Variants in CYYR1 observed in about 807,000 individuals in gnomAD.
CYYR1 encodes cysteine and tyrosine rich 1.
CYYR1 carries 14 observed loss-of-function variants against 15.2 expected under a neutral mutation model. The observed-to-expected ratio is 0.92, with a 90% CI of 0.61 to 1.44. CYYR1 has a LOEUF of 1.44. Ranked by LOEUF, CYYR1 falls within the 40% of genes most tolerant of loss-of-function variation. CYYR1 has a pLI of 0.00. For missense variants in CYYR1, 228 were observed against 209.5 expected, an observed-to-expected ratio of 1.09 and a Z score of -0.54; for synonymous variants, 80 against 77.4, an observed-to-expected ratio of 1.03 and a Z score of -0.18.
chr21:26,561,311 TG>T (rs1162674499), intron 2 of CYYR1, among the ~76,000 whole-genome samples: 5 of 144,148 alleles, frequency 3.5e-5, no homozygotes, highest in Non-Finnish European at 6.1e-5. Flanking sequence ...TTAATTTAAA[TG>T]GTTTTTTTTT....
At chr21:26,541,060 T>G (rs944058077) in intron 2 of CYYR1, among the ~76,000 whole-genome samples, 2 of 152,136 alleles carry the variant, frequency 1.3e-5, no homozygotes, top group African/African-American at 4.8e-5. Flanking sequence ...GTCAGTGACG[T>G]GAAGGTATCT....
At chr21:26,546,150 T>C (rs893251708) in intron 2 of CYYR1, among the ~76,000 whole-genome samples, 1 of 152,240 alleles carries the variant, frequency 6.6e-6, no homozygotes, top group Non-Finnish European at 1.5e-5. Flanking sequence ...GGCTTTTGGC[T>C]ATTCTTGGTT....
At chr21:26,490,458 C>T (rs2065312721) in intron 2 of CYYR1, among the ~76,000 whole-genome samples, 1 of 152,044 alleles carries the variant, frequency 6.6e-6, no homozygotes, top group African/African-American at 2.4e-5. Flanking sequence ...GGTCAACTAT[C>T]TCCAGGCATA....
In CYYR1 at chr21:26,492,637, G is replaced by A. The variant is rs2065343599; in HGVS notation, c.177-12208C>T. The stretch of plus-strand genomic sequence containing the variant: ...ACATATAAGTGGTACCACAAAGTCA[G>A]AAACGTACCTTTGGGCACGTTTGCA... On this transcript the variant is annotated intron_variant, in intron 2 of 3. Transcript: ENST00000652641. Among the ~76,000 whole-genome samples the A allele has an allele frequency of 1.3e-5, 2 of 151,872 alleles. 1 individual carries two copies. Among genetic ancestry groups the A allele is most frequent in the South Asian group, 4.2e-4 (2 of 4,814 alleles).
chr21:26,514,712 G>C (rs1389771017), intron 2 of CYYR1, among the ~76,000 whole-genome samples: 1 of 152,120 alleles, frequency 6.6e-6, no homozygotes, highest in African/African-American at 2.4e-5. Flanking sequence ...CTTATTTTGA[G>C]CACTAACCAT....
chr21:26,553,239 T>C (rs1269108365), intron 2 of CYYR1, among the ~76,000 whole-genome samples: 1 of 152,132 alleles, frequency 6.6e-6, no homozygotes, highest in African/African-American at 2.4e-5. Context: ...ATAGGTAATG[T>C]TTTGTTTTTC....
chr21:26,486,519 T>C (rs1419451040), intron 2 of CYYR1, among the ~76,000 whole-genome samples: 2 of 152,116 alleles, frequency 1.3e-5, no homozygotes, highest in African/African-American at 4.8e-5. Context: ...TCAGTACCAT[T>C]TATTAAAAGC....
chr21:26,469,965 C>A (rs1230587432), intron 3 of CYYR1, among the ~76,000 whole-genome samples: 1 of 152,136 alleles, frequency 6.6e-6, no homozygotes, highest in Non-Finnish European at 1.5e-5. Context: ...TGAGCAACTC[C>A]CTCAGCAACC....
chr21:26,549,450 G>A (rs910104610), intron 2 of CYYR1, among the ~76,000 whole-genome samples: 1 of 152,082 alleles, frequency 6.6e-6, no homozygotes, highest in Non-Finnish European at 1.5e-5. Flanking sequence ...TCATCGGACT[G>A]TACATTTCTC....
At chr21:26,469,508 A>T (rs1310437429) in intron 3 of CYYR1, among the ~76,000 whole-genome samples, 1 of 152,206 alleles carries the variant, frequency 6.6e-6, no homozygotes, top group Non-Finnish European at 1.5e-5. Context: ...TTGAATTGAC[A>T]AATAATAATT....
intron 2 of CYYR1, among the ~76,000 whole-genome samples, chr21:26,490,142 A>C (rs2123439335): frequency 6.6e-6 from 1 of 152,088 alleles, no homozygotes; most frequent in South Asian, 2.1e-4. Flanking sequence ...CCTGTACGAA[A>C]AATACAAAAA....
intron 3 of CYYR1, among the ~76,000 whole-genome samples, chr21:26,469,146 G>A (rs984422153): frequency 2.6e-5 from 4 of 152,160 alleles, no homozygotes; most frequent in Non-Finnish European, 5.9e-5. Context: ...CTGCAACAAT[G>A]TAATGGCATA....
intron 2 of CYYR1, among the ~76,000 whole-genome samples, chr21:26,524,702 C>T (rs1463311447): frequency 2.0e-5 from 3 of 152,114 alleles, no homozygotes; most frequent in Non-Finnish European, 4.4e-5. Context: ...TTTTTGTGTA[C>T]ACATATAAAA....
intron 2 of CYYR1, chr21:26,503,600 C>T (rs1307885291): frequency 6.6e-6 from 1 of 152,154 alleles, no homozygotes; most frequent in Non-Finnish European, 1.5e-5. Context: ...CCTGGAAACC[C>T]TGTTGCCTGG....
At chr21:26,531,632 A>C (rs1007437110) in intron 2 of CYYR1, among the ~76,000 whole-genome samples, 7 of 152,070 alleles carry the variant, frequency 4.6e-5, no homozygotes, top group African/African-American at 1.7e-4. Flanking sequence ...CAGCTGTGGA[A>C]CTAACTCTTC....
chr21:26,533,085 C>T (rs2065952580), intron 2 of CYYR1, among the ~76,000 whole-genome samples: 1 of 151,418 alleles, frequency 6.6e-6, no homozygotes, highest in African/African-American at 2.4e-5. Context: ...GGATACTCAA[C>T]CCGGAATCTC....
At chr21:26,487,653 A>G (rs1366714075) in intron 2 of CYYR1, among the ~76,000 whole-genome samples, 1 of 152,112 alleles carries the variant, frequency 6.6e-6, no homozygotes, top group East Asian at 1.9e-4. Flanking sequence ...AAATAATAGA[A>G]AAACAAACTC....
At chr21:26,490,979 T>C (rs2065319275) in intron 2 of CYYR1, among the ~76,000 whole-genome samples, 1 of 152,194 alleles carries the variant, frequency 6.6e-6, no homozygotes, top group South Asian at 2.1e-4. Context: ...ACCTGATGAC[T>C]GATCCAACGG....
intron 2 of CYYR1, among the ~76,000 whole-genome samples, chr21:26,533,915 A>G (rs988119135): frequency 3.9e-5 from 6 of 152,162 alleles, no homozygotes; most frequent in Non-Finnish European, 8.8e-5. Flanking sequence ...TTTTGTTAGG[A>G]ATTGAGGACA....
Sources: gnomAD v4.1 joint callset for allele counts (sites outside exome capture counted in the v4.1 genomes callset) on GRCh38, gnomAD v4.1.1 for gene constraint, MANE v1.5 for transcripts, NCBI Gene and HGNC (gene_info 2026-07-23, HGNC 2026-07-21) for gene names.